The following STX7 variants were observed in gnomAD, a reference collection of about 807,000 sequenced individuals.
The protein encoded by STX7 is syntaxin 7, also known as syntaxin-7.
Under a neutral mutation model 39.6 loss-of-function variants are expected in STX7, and 34 were observed. That is an observed-to-expected ratio of 0.86 (90% CI 0.65 to 1.14). STX7 has a LOEUF of 1.14. STX7 is among the 50% of genes most tolerant of loss of function. The pLI, the probability that STX7 is intolerant of heterozygous loss-of-function variation, is 0.00. For synonymous variants in STX7, 119 were observed against 99.1 expected, an observed-to-expected ratio of 1.20 and a Z score of -1.19; for missense variants, 284 against 310.4, an observed-to-expected ratio of 0.92 and a Z score of 0.64.
Position 132,466,075 on chromosome 6 carries a change from T to C in STX7, c.611-2000A>G, listed in dbSNP as rs193028314. Among the ~76,000 whole-genome samples the C allele has an allele frequency of 2.4e-3, 371 of 152,354 alleles. 2 individuals carry two copies. The highest frequency in any genetic ancestry group is 4.0e-3 in the Non-Finnish European group (270 of 68,036). On this transcript the variant is annotated intron_variant, in intron 8 of 9. Transcript: ENST00000367941. ...TACTCCTTGAAAGAGTTATCTATAC[T>C]TGGTATCCACCACTGTTCTCCTCCC...
intron 2 of STX7, among the ~76,000 whole-genome samples, chr6:132,484,898 C>T (rs547068257): frequency 4.1e-4 from 63 of 152,238 alleles, no homozygotes; most frequent in Non-Finnish European, 1.8e-4. Flanking sequence ...AAACTTTAAC[C>T]GAGAACAATA....
chr6:132,476,429 A>G (rs535547820), intron 2 of STX7, among the ~76,000 whole-genome samples: 2 of 152,294 alleles, frequency 1.3e-5, no homozygotes, highest in African/African-American at 2.4e-5. Context: ...CTGGGCATTT[A>G]AAGACGTCAA....
Position 132,460,846 on chromosome 6 carries a change from T to G in STX7, c.698A>C (p.Lys233Thr). Residue 233 changes from lysine (K) to threonine (T), a missense_variant, in exon 10 of 10, where the codon AAA (lysine) becomes ACA (threonine). Transcript: ENST00000367941. ...QLSRAADYQR[K>T]SRKTLCIIIL... ...GATGATGCACAGGGTTTTTCTGGAT[T>G]TGCGCTGCAGACGCAAAAAACAAAA... 3 of 1,613,036 alleles carry G rather than the reference T, an allele frequency of 1.9e-6. No individual in the cohort carries two copies. The highest frequency in any genetic ancestry group is 2.5e-6 in the Non-Finnish European group (3 of 1,179,674).
At chr6:132,494,079 G>T (rs2114449440) in intron 2 of STX7, among the ~76,000 whole-genome samples, 1 of 152,226 alleles carries the variant, frequency 6.6e-6, no homozygotes, top group African/African-American at 2.4e-5. Context: ...TATCTACAGA[G>T]AACTCAGAGG....
chr6:132,510,219 GAAGA>G (rs1310053255), intron 1 of STX7, among the ~76,000 whole-genome samples: 5 of 152,170 alleles, frequency 3.3e-5, no homozygotes, highest in Non-Finnish European at 5.9e-5. Context: ...CAAATACTTA[GAAGA>G]AAGAATGAAT....
chr6:132,499,629 A>G (rs993933189), intron 2 of STX7, among the ~76,000 whole-genome samples: 1 of 152,096 alleles, frequency 6.6e-6, no homozygotes, highest in African/African-American at 2.4e-5. Flanking sequence ...CCACATCTTG[A>G]TTTTTATCTT....
intron 2 of STX7, among the ~76,000 whole-genome samples, chr6:132,492,942 G>A (rs1775331486): frequency 6.6e-6 from 1 of 152,178 alleles, no homozygotes; most frequent in African/African-American, 2.4e-5. Flanking sequence ...ATGCCCAGCA[G>A]CAAGGCAGTG....
chr6:132,485,595 A>G (rs923343181), intron 2 of STX7, among the ~76,000 whole-genome samples: 2 of 152,184 alleles, frequency 1.3e-5, no homozygotes, highest in African/African-American at 2.4e-5. Context: ...CAGTCAAACT[A>G]TTTTACAAAG....
intron 2 of STX7, among the ~76,000 whole-genome samples, chr6:132,497,912 C>A (rs1292527454): frequency 1.3e-5 from 2 of 152,170 alleles, no homozygotes; most frequent in African/African-American, 4.8e-5. Context: ...TAAATCTAAG[C>A]CTTTCTAAGA....
intron 2 of STX7, among the ~76,000 whole-genome samples, chr6:132,494,394 T>C (rs776592472): frequency 4.6e-5 from 7 of 151,950 alleles, no homozygotes; most frequent in Non-Finnish European, 8.8e-5. Context: ...AAGTAAACAA[T>C]AATAGTACTT....
intron 2 of STX7, among the ~76,000 whole-genome samples, chr6:132,485,601 C>G (rs1775113947): frequency 6.6e-6 from 1 of 152,170 alleles, no homozygotes; most frequent in Admixed American, 6.5e-5. Context: ...AACTATTTTA[C>G]AAAGTGATGC....
chr6:132,474,660 A>G (rs1437020991), intron 3 of STX7, among the ~76,000 whole-genome samples: 1 of 152,196 alleles, frequency 6.6e-6, no homozygotes, highest in Non-Finnish European at 1.5e-5. Flanking sequence ...TTAAACCCGT[A>G]AGAGACATGA....
At position 132,449,283 on chromosome 6, in the gene STX7, T is replaced by A. The variant is rs553103834; in HGVS notation, c.*11475A>T. 3 of 152,236 alleles carry A rather than the reference T, an allele frequency of 2.0e-5. No individual in the cohort carries two copies. The highest frequency in any genetic ancestry group is 7.2e-5 in the African/African-American group (3 of 41,542). 9.4% of individuals were successfully genotyped at this position (152,236 alleles called of 1,614,324 possible). ...GACTACTGGTTCATGTCACCACATC[T>A]GGCTAATTCTTAATTTTTTTTGTAG... On this transcript the variant is annotated 3_prime_UTR_variant, in exon 10 of 10. Coordinates refer to ENST00000367941, the MANE Select transcript of STX7 (RefSeq NM_003569.3).
At chr6:132,510,244 C>G (rs1775814055) in intron 1 of STX7, among the ~76,000 whole-genome samples, 1 of 152,176 alleles carries the variant, frequency 6.6e-6, no homozygotes. Context: ...TGTGAATGCT[C>G]TTAACACAAA....
chr6:132,486,389 T>C (rs1408891707), intron 2 of STX7, among the ~76,000 whole-genome samples: 1 of 152,204 alleles, frequency 6.6e-6, no homozygotes, highest in Non-Finnish European at 1.5e-5. Flanking sequence ...CTTCTACTCC[T>C]AGTTTACTGA....
At position 132,460,841 on chromosome 6, in the gene STX7, T is replaced by G. The variant is rs771163668; in HGVS notation, c.703A>C (p.Arg235=). ...AGAATGATGATGCACAGGGTTTTTC[T>G]GGATTTGCGCTGCAGACGCAAAAAA... is the stretch of plus-strand genomic sequence containing the variant. ...SRAADYQRKS[R]KTLCIIILIL... The change falls in exon 10 of 10, where the codon AGA becomes CGA. Residue 235 remains arginine, a synonymous_variant. Coordinates refer to ENST00000367941, the MANE Select transcript of STX7 (RefSeq NM_003569.3). 6.8e-6 allele frequency: 11 copies of G among 1,613,084 alleles called. No individual in the cohort carries two copies. The highest frequency in any genetic ancestry group is 9.3e-6 in the Non-Finnish European group (11 of 1,179,660).
chr6:132,505,046 G>C (rs946964720), intron 1 of STX7, among the ~76,000 whole-genome samples: 1 of 152,168 alleles, frequency 6.6e-6, no homozygotes, highest in Non-Finnish European at 1.5e-5. Flanking sequence ...GAGAGGAATG[G>C]CCTAACATTT....
At chr6:132,472,684 C>T (rs1247860554) in intron 3 of STX7, among the ~76,000 whole-genome samples, 1 of 152,166 alleles carries the variant, frequency 6.6e-6, no homozygotes, top group African/African-American at 2.4e-5. Flanking sequence ...ATGTCTGATC[C>T]TTTATGTTTG....
At chr6:132,470,088 T>G (rs1204555643) in intron 6 of STX7, 41 bp from the exon 7 acceptor site, 1 of 1,447,372 alleles carries the variant, frequency 6.9e-7, no homozygotes, top group Admixed American at 2.4e-5. Flanking sequence ...CAAAGATTGG[T>G]ATTCAAAACA....
Sources: allele counts gnomAD v4.1 joint callset (sites outside exome capture counted in the v4.1 genomes callset), GRCh38; gene constraint gnomAD v4.1.1; transcripts MANE v1.5; gene names NCBI Gene and HGNC (gene_info 2026-07-23, HGNC 2026-07-21).